The following NTM variants were observed in gnomAD, a reference collection of about 807,000 sequenced individuals.
NTM encodes the protein neurotrimin, also known as IgLON family member 2.
A neutral mutation model predicts 42.1 loss-of-function variants in NTM; 13 were observed. The observed-to-expected ratio is 0.31, with a 90% CI of 0.20 to 0.49. The LOEUF (loss-of-function observed/expected upper bound fraction) is 0.49, where lower values mean the gene tolerates loss of function less well. Ranked by LOEUF, NTM falls within the 20% of genes least tolerant of loss-of-function variation. The pLI is 0.99. For synonymous variants in NTM, 187 were observed against 179.2 expected, an observed-to-expected ratio of 1.04 and a Z score of -0.35; for missense variants, 373 against 452.8, an observed-to-expected ratio of 0.82 and a Z score of 1.60.
chr11:131,521,316 GAAATAAATAAATAAATAAAT>G (rs201311970), intron 1 of NTM, among the ~76,000 whole-genome samples: 5 of 109,654 alleles, frequency 4.6e-5, no homozygotes, highest in Admixed American at 1.1e-4. Context: ...CTCCATCTCA[GAAATAAATAAATAAATAAAT>G]AAATAAATAA....
intron 1 of NTM, among the ~76,000 whole-genome samples, chr11:131,711,653 A>G (rs1353304670): frequency 6.6e-6 from 1 of 152,022 alleles, no homozygotes; most frequent in African/African-American, 2.4e-5. Context: ...AGGACTATAA[A>G]TCATGCTGCT....
chr11:131,809,272 T>G (rs1453582486), intron 1 of NTM, among the ~76,000 whole-genome samples: 2 of 152,258 alleles, frequency 1.3e-5, no homozygotes, highest in Non-Finnish European at 2.9e-5. Context: ...ATGGGTCAGC[T>G]GGTAAGTAGC....
At chr11:132,165,180 A>G (rs1210256574) in intron 3 of NTM, among the ~76,000 whole-genome samples, 1 of 152,148 alleles carries the variant, frequency 6.6e-6, no homozygotes, top group African/African-American at 2.4e-5. Flanking sequence ...AAGTGGCACA[A>G]TGTATTCAAA....
chr11:132,222,237 A>C (rs2085316414), intron 4 of NTM, among the ~76,000 whole-genome samples: 1 of 152,246 alleles, frequency 6.6e-6, no homozygotes, highest in African/African-American at 2.4e-5. Flanking sequence ...CAACTGAGTC[A>C]ACCTTTCTCT....
chr11:131,439,352 G>A (rs913784883), intron 1 of NTM, among the ~76,000 whole-genome samples: 2 of 152,208 alleles, frequency 1.3e-5, no homozygotes, highest in Admixed American at 1.3e-4. Context: ...CTGTCAGTCA[G>A]GGTTGTTTAA....
intron 4 of NTM, among the ~76,000 whole-genome samples, chr11:132,212,879 A>G (rs1011864178): frequency 6.6e-6 from 1 of 152,120 alleles, no homozygotes; most frequent in African/African-American, 2.4e-5. Context: ...CCTCTCTTCT[A>G]GGCACTGGGG....
At chr11:132,048,922 G>A (rs761346934) in intron 2 of NTM, among the ~76,000 whole-genome samples, 3 of 150,782 alleles carry the variant, frequency 2.0e-5, no homozygotes, top group East Asian at 2.0e-4. Context: ...CTGAAGAGTC[G>A]GCCCTTACCC....
chr11:132,042,852 C>T (rs2077386008), intron 2 of NTM, among the ~76,000 whole-genome samples: 1 of 152,202 alleles, frequency 6.6e-6, no homozygotes, highest in Non-Finnish European at 1.5e-5. Flanking sequence ...ATCCCCATTA[C>T]ATCAAATCTC....
intron 1 of NTM, among the ~76,000 whole-genome samples, chr11:131,597,932 C>T (rs1350549166): frequency 1.3e-5 from 2 of 152,142 alleles, no homozygotes; most frequent in African/African-American, 2.4e-5. Context: ...TTAGAAAATC[C>T]CAAAGAGAGA....
intron 1 of NTM, among the ~76,000 whole-genome samples, chr11:131,626,821 G>A (rs2063149389): frequency 6.6e-6 from 1 of 152,144 alleles, no homozygotes; most frequent in Non-Finnish European, 1.5e-5. Context: ...AATGTGCCAA[G>A]AAAGCAAAAA....
At chr11:131,511,739 T>C (rs1334619512) in intron 1 of NTM, among the ~76,000 whole-genome samples, 1 of 152,224 alleles carries the variant, frequency 6.6e-6, no homozygotes. Flanking sequence ...ACCTCCTTTC[T>C]GTGCATACTG....
chr11:131,621,484 C>T (rs1052973851), intron 1 of NTM, among the ~76,000 whole-genome samples: 3 of 151,946 alleles, frequency 2.0e-5, no homozygotes, highest in Admixed American at 1.3e-4. Context: ...GCAGACCACA[C>T]ATCAAGTGCC....
At chr11:132,067,345 A>C (rs1436476611) in intron 2 of NTM, among the ~76,000 whole-genome samples, 5 of 152,180 alleles carry the variant, frequency 3.3e-5, no homozygotes, top group Non-Finnish European at 5.9e-5. Context: ...CATTTTCCCC[A>C]TACCAACATA....
At chr11:131,722,636 G>T (rs894398262) in intron 1 of NTM, among the ~76,000 whole-genome samples, 2 of 152,210 alleles carry the variant, frequency 1.3e-5, no homozygotes, top group Non-Finnish European at 2.9e-5. Context: ...GGACCACAGT[G>T]ACAATCACAG....
intron 1 of NTM, among the ~76,000 whole-genome samples, chr11:131,380,596 C>T (rs1942552473): frequency 1.3e-5 from 2 of 152,114 alleles, no homozygotes; most frequent in South Asian, 4.1e-4. Flanking sequence ...GTGTAGGTGA[C>T]CTATTTACAT....
rs115651067 is a variant in NTM, at chr11:131,673,949, G to A, written c.83-237615G>A. On this transcript the variant is annotated intron_variant, in intron 1 of 8. Coordinates refer to ENST00000683400, the MANE Select transcript of NTM (RefSeq NM_001352005.2). ...TTGAAAGGCGGCACAAAGAGAAAGA[G>A]GGTAGGGAGATGATGGCAACTCGGG... 4.1e-3 allele frequency among the ~76,000 whole-genome samples: 618 copies of A among 152,370 alleles called. 4 individuals are homozygous for A. The highest frequency in any genetic ancestry group is 0.014 in the African/African-American group (600 of 41,582).
rs561896845 is a variant in NTM, at chr11:132,015,891, A to C, written c.167+104243A>C. On this transcript the variant is annotated intron_variant, in intron 2 of 8. Transcript: ENST00000683400. Reference sequence around the variant, plus strand: ...GGGACAGTTTGACTTCCTCCATTCCAATTTAGATGCCTTTTATTTCTTTCT... The same window carrying C: ...GGGACAGTTTGACTTCCTCCATTCCCATTTAGATGCCTTTTATTTCTTTCT... Among the ~76,000 whole-genome samples the C allele has an allele frequency of 2.0e-5, 3 of 151,922 alleles. No individual in the cohort carries two copies. The East Asian group carries it at 5.8e-4, about 29-fold the overall frequency.
At chr11:131,588,618 C>T (rs2059091247) in intron 1 of NTM, among the ~76,000 whole-genome samples, 1 of 152,158 alleles carries the variant, frequency 6.6e-6, no homozygotes, top group South Asian at 2.1e-4. Flanking sequence ...AGAACCAAAA[C>T]AGACAATCAA....
chr11:132,250,029 T>C (rs1293387418), intron 4 of NTM, among the ~76,000 whole-genome samples: 1 of 152,256 alleles, frequency 6.6e-6, no homozygotes, highest in Non-Finnish European at 1.5e-5. Context: ...TCCTTCTGCC[T>C]TAATCCTCTT....
Sources: gnomAD v4.1 joint callset for allele counts (sites outside exome capture counted in the v4.1 genomes callset) on GRCh38, gnomAD v4.1.1 for gene constraint, MANE v1.5 for transcripts, NCBI Gene and HGNC (gene_info 2026-07-23, HGNC 2026-07-21) for gene names.